The following ANKRD34B variants were observed in gnomAD, a reference collection of about 807,000 sequenced individuals.
The protein encoded by ANKRD34B is ankyrin repeat domain 34B.
Under a neutral mutation model 4.4 loss-of-function variants are expected in ANKRD34B, and 2 were observed. That is an observed-to-expected ratio of 0.46 (90% confidence interval 0.19 to 1.44). ANKRD34B has a LOEUF of 1.44. ANKRD34B is among the 40% of genes most tolerant of loss of function. The probability of loss-of-function intolerance (pLI) is 0.26; values close to 1 mark genes in which losing one functional copy is unlikely to be tolerated. For missense variants in ANKRD34B, 558 were observed against 604.7 expected (o/e 0.92, Z 0.81); for synonymous variants, 226 against 227.1 (o/e 0.99, Z 0.05).
Position 80,562,054 on chromosome 5 carries a change from T to C in ANKRD34B, c.-24+1681A>G, listed in dbSNP as rs1306207469. ...TGAGCCAGTAGTAACTGACTCAGCG[T>C]GTGTGTGTGTGTGTGTGTGTGTGTG... On this transcript the variant is annotated intron_variant, in intron 4 of 4. Coordinates refer to ENST00000338682, the MANE Select transcript of ANKRD34B (RefSeq NM_001004441.3). Among the ~76,000 whole-genome samples, 6 of 48,256 alleles carry C rather than the reference T, an allele frequency of 1.2e-4. No homozygotes were observed. In the East Asian group the frequency reaches 1.4e-3, roughly 11 times the overall value. The allele number at this position is 48,256 out of a possible 152,430, so 31.7% of individuals were successfully genotyped here. A position where few individuals can be genotyped will look rare whatever the true frequency, so the allele number is the denominator to read the frequency against.
At position 80,562,850 on chromosome 5, in the gene ANKRD34B, TCTC is replaced by T. The variant is rs1394885448; in HGVS notation, c.-24+882_-24+884del. The stretch of plus-strand genomic sequence containing the variant: ...AAGCCTCATTTGTGTGTTTAAGGCT[TCTC>T]ATCAGCTTTTAATCCCAACCCTTTA... On this transcript the variant is annotated intron_variant, in intron 4 of 4. Transcript: ENST00000338682. Among the ~76,000 whole-genome samples, 3 of 152,238 alleles carry T rather than the reference TCTC, an allele frequency of 2.0e-5. No individual in the cohort carries two copies. In the South Asian group the frequency reaches 6.2e-4, roughly 32 times the overall value.
intron 2 of ANKRD34B, among the ~76,000 whole-genome samples, chr5:80,567,073 T>C (rs1223421880): frequency 1.3e-5 from 2 of 152,168 alleles, no homozygotes; most frequent in African/African-American, 4.8e-5. Context: ...GAGGGCACTC[T>C]CCCAAAGCCA....
At chr5:80,565,983 C>T (rs1292325972) in intron 3 of ANKRD34B, among the ~76,000 whole-genome samples, 2 of 152,204 alleles carry the variant, frequency 1.3e-5, no homozygotes, top group Non-Finnish European at 2.9e-5. Context: ...ATATCACTTG[C>T]ACCTCATCAT....
chr5:80,561,886 G>A (rs547243560), intron 4 of ANKRD34B, among the ~76,000 whole-genome samples: 1 of 150,452 alleles, frequency 6.6e-6, no homozygotes, highest in Admixed American at 6.6e-5. Flanking sequence ...AGATAGTTAG[G>A]GTTAATATGG....
At chr5:80,566,659 C>CACCCACTCTATTT (rs1342389746) in intron 3 of ANKRD34B, 30 bp downstream of exon 3, 8 of 152,756 alleles carry the variant, frequency 5.2e-5, no homozygotes, top group African/African-American at 1.7e-4. Context: ...CCCTTCCAGA[C>CACCCACTCTATTT]ACCCACTCTA....
intron 1 of ANKRD34B, among the ~76,000 whole-genome samples, chr5:80,569,730 G>A (rs1746700463): frequency 6.6e-6 from 1 of 152,170 alleles, no homozygotes; most frequent in African/African-American, 2.4e-5. Flanking sequence ...CCCCGCGGCC[G>A]GGCAGCCCTC....
chr5:80,557,004 AG>A lies in ANKRD34B; in HGVS notation c.*1470del, dbSNP rs1385878947. ...ACCTCTAATTACTTTTTAAAATAAA[AG>A]CCACAGTAATTAAATAATTACTATG... On this transcript the variant is annotated 3_prime_UTR_variant, in exon 5 of 5. Transcript: ENST00000338682. 15 of 152,638 alleles carry A rather than the reference AG, an allele frequency of 9.8e-5. No individual in the cohort carries two copies. The highest frequency in any genetic ancestry group is 7.3e-5 in the Non-Finnish European group (5 of 68,034). The allele number at this position is 152,638 out of a possible 1,614,324, so 9.5% of individuals were successfully genotyped here. A position where few individuals can be genotyped will look rare whatever the true frequency, so the allele number is the denominator to read the frequency against.
At position 80,558,587 on chromosome 5, in the gene ANKRD34B, T is replaced by C. The variant is rs763056850; in HGVS notation, c.1433A>G (p.Lys478Arg). ...AATCGGAACTGTTGGCATAAGCACT[T>C]TTTGACCACAAGAAAGAAGGCTGCA... The part of the protein sequence containing the change: ...KICSLLSCGQ[K>R]VLMPTVPIFP... Residue 478 changes from lysine to arginine, a missense_variant, in exon 5 of 5, where the codon AAA becomes AGA. Coordinates refer to ENST00000338682, the MANE Select transcript of ANKRD34B (RefSeq NM_001004441.3). 4 of 1,614,152 alleles carry C rather than the reference T, an allele frequency of 2.5e-6. No individual in the cohort carries two copies. The Admixed American group carries it at 6.7e-5, about 27-fold the overall frequency.
intron 2 of ANKRD34B, 108 bp downstream of exon 2, chr5:80,568,852 A>C (rs1249617544): frequency 6.9e-6 from 1 of 145,360 alleles, no homozygotes. Context: ...TGGGGCATCT[A>C]TGCCCCAACC....
chr5:80,567,621 C>CAAAAAAAAAAAAAAAAAAA (rs111603222), intron 2 of ANKRD34B, among the ~76,000 whole-genome samples: 271 of 50,166 alleles, frequency 5.4e-3, no homozygotes, highest in Non-Finnish European at 6.1e-3. Flanking sequence ...GACTCCGTCT[C>CAAAAAAAAAAAAAAAAAAA]AAAAAAAAAA....
intron 4 of ANKRD34B, among the ~76,000 whole-genome samples, chr5:80,562,542 C>T (rs1188335254): frequency 2.0e-5 from 3 of 152,208 alleles, no homozygotes; most frequent in South Asian, 4.1e-4. Flanking sequence ...GCCTGCTTCC[C>T]CAGCTTGGCT....
chr5:80,564,907 G>A (rs777809609), intron 3 of ANKRD34B, among the ~76,000 whole-genome samples: 5 of 152,024 alleles, frequency 3.3e-5, no homozygotes, highest in African/African-American at 9.7e-5. Context: ...GTTTCTTCAC[G>A]TTGGTCAGGC....
In ANKRD34B at chr5:80,559,647, C is replaced by T. The variant is rs1474588514; in HGVS notation, c.373G>A (p.Ala125Thr). ...DHSSYSALVYAINSEDTETLK... is the reference protein window; with the variant it reads ...DHSSYSALVYTINSEDTETLK... ...GTCTCTGTATCTTCTGAATTTATAGCATAAACAAGAGCTGAGTAACTAGAA... is the reference window on the plus strand; with the variant it reads ...GTCTCTGTATCTTCTGAATTTATAGTATAAACAAGAGCTGAGTAACTAGAA... The change falls in exon 5 of 5, where the codon GCT becomes ACT. Residue 125 changes from alanine to threonine, a missense_variant. By Grantham distance (58) the Ala-to-Thr change is moderately conservative. Coordinates refer to ENST00000338682, the MANE Select transcript of ANKRD34B (RefSeq NM_001004441.3). 1 of 1,614,040 alleles carries T rather than the reference C, an allele frequency of 6.2e-7. No individual in the cohort carries two copies. Among genetic ancestry groups the T allele is most frequent in the Non-Finnish European group, 8.5e-7 (1 of 1,180,040 alleles).
At chr5:80,569,555 C>G (rs1308974843) in intron 1 of ANKRD34B, among the ~76,000 whole-genome samples, 2 of 152,130 alleles carry the variant, frequency 1.3e-5, no homozygotes, top group East Asian at 3.9e-4. Context: ...CCTCCTGCTG[C>G]CCAGCTGCCG....
At chr5:80,567,072 C>G (rs1305217783) in intron 2 of ANKRD34B, among the ~76,000 whole-genome samples, 1 of 152,210 alleles carries the variant, frequency 6.6e-6, no homozygotes, top group East Asian at 1.9e-4. Context: ...TGAGGGCACT[C>G]TCCCAAAGCC....
chr5:80,559,939 T>C lies in ANKRD34B; in HGVS notation c.81A>G (p.Arg27=). ...AVHQSRLRLT[R]LLLEGGAYIN... ...TGTAGGCACCGCCTTCTAGCAAAAGTCTTGTGAGGCGAAGCCGGCTCTGAT... is the reference window on the plus strand; with the variant it reads ...TGTAGGCACCGCCTTCTAGCAAAAGCCTTGTGAGGCGAAGCCGGCTCTGAT... Residue 27 remains arginine (R), a synonymous_variant, in exon 5 of 5, where the codon AGA becomes AGG. Transcript: ENST00000338682. The C allele has an allele frequency of 6.2e-7, 1 of 1,614,080 alleles. No individual in the cohort carries two copies. The highest frequency in any genetic ancestry group is 1.1e-5 in the South Asian group (1 of 91,054).
chr5:80,564,605 C>A (rs1182931201), intron 3 of ANKRD34B: 1 of 152,118 alleles, frequency 6.6e-6, no homozygotes, highest in Non-Finnish European at 1.5e-5. Flanking sequence ...CAGACCCTCT[C>A]CTCTGAGGAC....
In ANKRD34B at chr5:80,559,552, C is replaced by T. The variant is rs766527666; in HGVS notation, c.468G>A (p.Leu156=). ...GTTTAGTAGTATGCTTCCCACAGGGCAACTTTGCTGTTGTGATGATGATGA... is the reference window on the plus strand; with the variant it reads ...GTTTAGTAGTATGCTTCCCACAGGGTAACTTTGCTGTTGTGATGATGATGA... ...KEVIIITTAK[L]PCGKHTTKQY... is the part of the protein sequence containing the mutation. The change falls in exon 5 of 5, where the codon TTG becomes TTA. Residue 156 remains leucine, a synonymous_variant. Coordinates refer to ENST00000338682, the MANE Select transcript of ANKRD34B (RefSeq NM_001004441.3). The T allele has an allele frequency of 4.1e-5, 66 of 1,614,022 alleles. No individual in the cohort carries two copies. Among genetic ancestry groups the T allele is most frequent in the Non-Finnish European group, 5.6e-5 (66 of 1,180,040 alleles).
intron 1 of ANKRD34B, among the ~76,000 whole-genome samples, 157 bp from the exon 2 acceptor site, chr5:80,569,264 C>A (rs1467140062): frequency 3.9e-5 from 6 of 152,318 alleles, no homozygotes; most frequent in African/African-American, 1.4e-4. Flanking sequence ...CCCACAGCCG[C>A]TGCGGAGCGG....
Sources: gnomAD v4.1 joint callset for allele counts (sites outside exome capture counted in the v4.1 genomes callset) on GRCh38, gnomAD v4.1.1 for gene constraint, MANE v1.5 for transcripts, NCBI Gene and HGNC (gene_info 2026-07-23, HGNC 2026-07-21) for gene names.